GTF2IRD1: variants seen among roughly 807,000 people sequenced by gnomAD.
GTF2IRD1 encodes GTF2I repeat domain containing 1.
GTF2IRD1 carries 26 observed loss-of-function variants against 113.2 expected under a neutral mutation model. The observed-to-expected ratio is 0.23, with a 90% CI of 0.17 to 0.32. GTF2IRD1 has a LOEUF of 0.32. Among genes scored for constraint, GTF2IRD1 ranks in the 10% least tolerant of loss-of-function variants. The pLI is 1.00. For synonymous variants in GTF2IRD1, 484 were observed against 529.1 expected (o/e 0.91, Z 1.17); for missense variants, 864 against 1,280.8 (o/e 0.67, Z 4.97).
intron 17 of GTF2IRD1, among the ~76,000 whole-genome samples, chr7:74,550,634 G>C (rs781886665): frequency 1.3e-5 from 2 of 151,490 alleles, no homozygotes; most frequent in Non-Finnish European, 2.9e-5. Context: ...CCGTCCAGGC[G>C]TGATGGCTCA....
At chr7:74,547,752 TC>T (rs1799035244) in intron 17 of GTF2IRD1, among the ~76,000 whole-genome samples, 3 of 136,596 alleles carry the variant, frequency 2.2e-5, no homozygotes, top group Non-Finnish European at 3.2e-5. Context: ...CTTTTCTCTC[TC>T]TCTTTTTTTT....
chr7:74,490,675 C>T (rs1312933155), intron 1 of GTF2IRD1, among the ~76,000 whole-genome samples: 1 of 151,742 alleles, frequency 6.6e-6, no homozygotes, highest in East Asian at 1.9e-4. Flanking sequence ...GTGTGCCTGC[C>T]TTTGCCTTTT....
chr7:74,458,553 T>A (rs1554328086), intron 1 of GTF2IRD1, among the ~76,000 whole-genome samples: 1 of 152,050 alleles, frequency 6.6e-6, no homozygotes, highest in East Asian at 1.9e-4. Context: ...CAGTCAGGTA[T>A]CTCCAGGTGT....
At chr7:74,589,774 A>G in intron 22 of GTF2IRD1, 77 bp from the exon 23 acceptor site, 2 of 839,374 alleles carry the variant, frequency 2.4e-6, no homozygotes, top group Non-Finnish European at 4.1e-6. Flanking sequence ...CAGATCAGGG[A>G]CGCCTGGTGG....
intron 1 of GTF2IRD1, among the ~76,000 whole-genome samples, chr7:74,499,712 AC>A (rs1379100776): frequency 6.6e-6 from 1 of 152,196 alleles, no homozygotes; most frequent in Non-Finnish European, 1.5e-5. Flanking sequence ...ATGCATACAC[AC>A]AAAGGAATTA....
At chr7:74,458,095 T>C (rs1459168224) in intron 1 of GTF2IRD1, among the ~76,000 whole-genome samples, 1 of 152,068 alleles carries the variant, frequency 6.6e-6, no homozygotes, top group Non-Finnish European at 1.5e-5. Flanking sequence ...GGTCTAGAAC[T>C]CCTGACCTCA....
intron 22 of GTF2IRD1, among the ~76,000 whole-genome samples, chr7:74,567,252 C>T (rs1245182725): frequency 4.0e-5 from 6 of 151,798 alleles, no homozygotes; most frequent in African/African-American, 9.7e-5. Context: ...CGCTTGAACC[C>T]GGGAGGCAGA....
At chr7:74,494,124 A>C (rs1795515388) in intron 1 of GTF2IRD1, among the ~76,000 whole-genome samples, 1 of 152,186 alleles carries the variant, frequency 6.6e-6, no homozygotes, top group Non-Finnish European at 1.5e-5. Flanking sequence ...ACATTGTGAG[A>C]GTTGTCTGAG....
chr7:74,557,411 A>G (rs1290734779), intron 19 of GTF2IRD1, among the ~76,000 whole-genome samples: 9 of 152,228 alleles, frequency 5.9e-5, no homozygotes, highest in East Asian at 3.9e-4. Context: ...AATGTCATCA[A>G]TTAACTTAAT....
At chr7:74,561,529 G>A (rs1799966521) in intron 22 of GTF2IRD1, among the ~76,000 whole-genome samples, 2 of 151,600 alleles carry the variant, frequency 1.3e-5, no homozygotes, top group Non-Finnish European at 2.9e-5. Flanking sequence ...AGGAGGGTGG[G>A]TTTGGCGGGG....
intron 3 of GTF2IRD1, among the ~76,000 whole-genome samples, chr7:74,514,860 C>T (rs1584569276): frequency 6.6e-6 from 1 of 151,862 alleles, no homozygotes; most frequent in African/African-American, 2.4e-5. Flanking sequence ...AGTTCGAGAC[C>T]AGCCTGGCCA....
chr7:74,555,231 G>A lies in GTF2IRD1; in HGVS notation c.1966+8G>A, dbSNP rs782649050. On this transcript the variant is annotated splice_region_variant and intron_variant, in intron 18 of 26. Transcript: ENST00000424337. The surrounding 1 kb of genome is among the most constrained non-coding windows in gnomAD (Gnocchi z 5.3). ...CCATCATGGATAGTCAAGGTACCCA[G>A]CGCGGGGTCGGGAGCCATGGTGTGG... 1 of 1,612,882 alleles carries A rather than the reference G, an allele frequency of 6.2e-7. No individual in the cohort carries two copies. Among genetic ancestry groups the A allele is most frequent in the East Asian group, 2.2e-5 (1 of 44,864 alleles).
chr7:74,497,494 ATCC>A lies in GTF2IRD1; in HGVS notation c.-6-10576_-6-10574del, dbSNP rs1288495795. 5.9e-5 allele frequency among the ~76,000 whole-genome samples: 9 copies of A among 152,266 alleles called. No individual in the cohort carries two copies. The South Asian group carries it at 1.5e-3, about 25-fold the overall frequency. On this transcript the variant is annotated intron_variant, in intron 1 of 26. Coordinates refer to ENST00000424337, the MANE Select transcript of GTF2IRD1 (RefSeq NM_005685.4). ...GGTCTCAAACTCCTGAGCTCAAGCAATCCTCCTGCCTCAGCCTCCCAAAGTGCT... is the reference window on the plus strand; with the variant it reads ...GGTCTCAAACTCCTGAGCTCAAGCAATCCTGCCTCAGCCTCCCAAAGTGCT...
rs142464105 is a variant in GTF2IRD1, at chr7:74,479,838, C to G, written c.-7+25662C>G. Among the ~76,000 whole-genome samples the G allele has an allele frequency of 9.2e-4, 139 of 150,458 alleles. 3 individuals carry two copies. In the East Asian group the frequency reaches 0.025, roughly 27 times the overall value. On this transcript the variant is annotated intron_variant, in intron 1 of 26. Transcript: ENST00000424337. ...CGTGGTCTTGGCTCATTGCAACGTC[C>G]CCATCCTGGGTTCAAACAATTCTCC...
intron 5 of GTF2IRD1, among the ~76,000 whole-genome samples, chr7:74,518,746 G>C (rs1554345234): frequency 6.6e-6 from 1 of 152,104 alleles, no homozygotes; most frequent in African/African-American, 2.4e-5. Flanking sequence ...AAATTACCCA[G>C]GTGTGGTGGT....
chr7:74,575,855 G>T (rs1350745933), intron 22 of GTF2IRD1, among the ~76,000 whole-genome samples: 1 of 152,090 alleles, frequency 6.6e-6, no homozygotes, highest in African/African-American at 2.4e-5. Flanking sequence ...ATGATTTGGG[G>T]AATCATGAAT....
At chr7:74,496,199 G>T (rs969609243) in intron 1 of GTF2IRD1, among the ~76,000 whole-genome samples, 1 of 151,762 alleles carries the variant, frequency 6.6e-6, no homozygotes, top group East Asian at 1.9e-4. Context: ...CTATGCGTGC[G>T]TATGTGTATG....
chr7:74,586,631 C>A (rs1159339654), intron 22 of GTF2IRD1, among the ~76,000 whole-genome samples: 45 of 152,260 alleles, frequency 3.0e-4, no homozygotes, highest in African/African-American at 1.1e-3. Context: ...AAAGGAGGAA[C>A]CAGGCCAAGC....
At chr7:74,517,025 G>GTTGTTGTTGT (rs1554344766) in intron 4 of GTF2IRD1, among the ~76,000 whole-genome samples, 163 of 150,714 alleles carry the variant, frequency 1.1e-3, no homozygotes, top group African/African-American at 2.6e-3. Flanking sequence ...TGTTGTTGTT[G>GTTGTTGTTGT]TTGTTGTTGT....
Sources: allele counts gnomAD v4.1 joint callset (sites outside exome capture counted in the v4.1 genomes callset), GRCh38; gene constraint gnomAD v4.1.1; non-coding constraint Gnocchi (gnomAD v3.1); transcripts MANE v1.5; gene names NCBI Gene and HGNC (gene_info 2026-07-23, HGNC 2026-07-21).